TLN2: variants seen among roughly 807,000 people sequenced by gnomAD.
TLN2 encodes talin-2.
In TLN2, 118 loss-of-function variants were observed where a neutral mutation model predicts 294.7. The observed-to-expected ratio is 0.40, with a 90% confidence interval of 0.34 to 0.47. TLN2 has a LOEUF of 0.47. Among genes scored for constraint, TLN2 ranks in the 20% least tolerant of loss-of-function variants. TLN2 has a pLI of 0.84. For missense variants in TLN2, 3,083 were observed against 3,282.2 expected (o/e 0.94, Z 1.48); for synonymous variants, 1,431 against 1,304.5 (o/e 1.10, Z -2.09).
chr15:62,467,976 C>G (rs544732844), intron 1 of TLN2, among the ~76,000 whole-genome samples: 2 of 152,282 alleles, frequency 1.3e-5, no homozygotes, highest in South Asian at 2.1e-4. Context: ...AGTTCACACA[C>G]TTATCACCAG....
intron 28 of TLN2, among the ~76,000 whole-genome samples, chr15:62,735,921 G>A (rs1468950643): frequency 6.6e-6 from 1 of 152,130 alleles, no homozygotes; most frequent in Non-Finnish European, 1.5e-5. Flanking sequence ...TGAACTGCCA[G>A]ACATCACAAC....
intron 1 of TLN2, among the ~76,000 whole-genome samples, chr15:62,575,937 A>C (rs1224589819): frequency 6.6e-6 from 1 of 152,208 alleles, no homozygotes; most frequent in Non-Finnish European, 1.5e-5. Context: ...TCCAAGTCAT[A>C]AGTCAGATGT....
At chr15:62,563,544 C>T (rs1167581883) in intron 1 of TLN2, among the ~76,000 whole-genome samples, 8 of 152,278 alleles carry the variant, frequency 5.3e-5, no homozygotes, top group Admixed American at 4.6e-4. Context: ...GGTGCGTTGT[C>T]TGTTTACTCA....
intron 46 of TLN2, among the ~76,000 whole-genome samples, chr15:62,795,052 G>C (rs1273854474): frequency 6.6e-6 from 1 of 152,216 alleles, no homozygotes; most frequent in Non-Finnish European, 1.5e-5. Flanking sequence ...ACGGTGTGCT[G>C]TGGCGTCCCG....
rs987100441 is a variant in TLN2 at position 62,796,170 on chromosome 15, C to G, written c.5927C>G (p.Thr1976Ser). Residue 1976 changes from threonine (T) to serine (S), a missense_variant, in exon 47 of 59, where the codon ACC becomes AGC. Transcript: ENST00000636159. ...LSALQAGNKG[T>S]QACITAATAV... Reference sequence around the variant, plus strand: ...GCTCTCCAGGCCGGGAACAAAGGAACCCAGGCATGCATTACAGCCGCCACC... The same window carrying G: ...GCTCTCCAGGCCGGGAACAAAGGAAGCCAGGCATGCATTACAGCCGCCACC... 4 of 1,614,246 alleles carry G rather than the reference C, an allele frequency of 2.5e-6. No homozygotes were observed. In the African/African-American group the frequency reaches 4.0e-5, roughly 16 times the overall value.
chr15:62,399,826 G>A (rs2032886819), intron 1 of TLN2, among the ~76,000 whole-genome samples: 1 of 152,186 alleles, frequency 6.6e-6, no homozygotes, highest in African/African-American at 2.4e-5. Flanking sequence ...CAGGCTTATA[G>A]GTGAAAGGGA....
chr15:62,677,806 CT>C lies in TLN2; in HGVS notation c.957+2500del, dbSNP rs3055781. Among the ~76,000 whole-genome samples, 13 of 75,266 alleles carry C rather than the reference CT, an allele frequency of 1.7e-4. 2 individuals are homozygous for C. Among genetic ancestry groups the C allele is most frequent in the African/African-American group, 4.7e-4 (10 of 21,178 alleles). 49.4% of individuals were successfully genotyped at this position (75,266 alleles called of 152,430 possible). A position where few individuals can be genotyped will look rare whatever the true frequency, so the allele number is the denominator to read the frequency against. On this transcript the variant is annotated intron_variant, in intron 11 of 58. Coordinates refer to ENST00000636159, the MANE Select transcript of TLN2 (RefSeq NM_015059.3). ...TTAAGAAAGTAGGCAGCACTTGCAA[CT>C]TTTTTTTTTTTTTTGAGACGGAGAT...
At chr15:62,642,549 T>G (rs1203185980) in intron 3 of TLN2, among the ~76,000 whole-genome samples, 1 of 149,166 alleles carries the variant, frequency 6.7e-6, no homozygotes, top group Non-Finnish European at 1.5e-5. Context: ...GTGTGTTGTC[T>G]GAGCTGCCTC....
intron 42 of TLN2, among the ~76,000 whole-genome samples, chr15:62,775,668 T>G (rs917548077): frequency 2.0e-5 from 3 of 152,246 alleles, no homozygotes; most frequent in Non-Finnish European, 2.9e-5. Flanking sequence ...AGTTCTCGTT[T>G]ACTGCTTTCC....
intron 3 of TLN2, among the ~76,000 whole-genome samples, chr15:62,631,650 CTTCT>C (rs1555451410): frequency 2.6e-4 from 36 of 140,074 alleles, no homozygotes; most frequent in African/African-American, 9.4e-4. Context: ...TCTTTCTTTC[CTTCT>C]TTTTCTTTCT....
At chr15:62,802,304 T>C (rs1186800549) in intron 50 of TLN2, among the ~76,000 whole-genome samples, 1 of 152,158 alleles carries the variant, frequency 6.6e-6, no homozygotes, top group Non-Finnish European at 1.5e-5. Flanking sequence ...CATTTTTTTT[T>C]TCCTATGGCT....
At chr15:62,777,199 A>G (rs1024279181) in intron 43 of TLN2, among the ~76,000 whole-genome samples, 2 of 152,202 alleles carry the variant, frequency 1.3e-5, no homozygotes, top group African/African-American at 4.8e-5. Context: ...TATCTACTTC[A>G]TAGGGTTTGT....
intron 42 of TLN2, among the ~76,000 whole-genome samples, chr15:62,773,277 C>T (rs2063472574): frequency 7.0e-6 from 1 of 142,776 alleles, no homozygotes; most frequent in African/African-American, 2.6e-5. Context: ...TGTTCCCAGC[C>T]ATAGAGCACA....
intron 1 of TLN2, among the ~76,000 whole-genome samples, chr15:62,587,269 A>T (rs990845565): frequency 6.6e-6 from 1 of 152,256 alleles, no homozygotes; most frequent in African/African-American, 2.4e-5. Context: ...CTTAACTTCA[A>T]CACGAGATTT....
intron 52 of TLN2, among the ~76,000 whole-genome samples, chr15:62,810,456 G>A (rs1435110262): frequency 1.3e-5 from 2 of 152,162 alleles, no homozygotes; most frequent in African/African-American, 2.4e-5. Flanking sequence ...GAGGGAGGCT[G>A]CCAGTGCTGC....
intron 32 of TLN2, among the ~76,000 whole-genome samples, chr15:62,745,230 T>C (rs2074338842): frequency 6.6e-6 from 1 of 152,212 alleles, no homozygotes; most frequent in Admixed American, 6.5e-5. Context: ...TAGATAAGCC[T>C]AGATGAAAAC....
chr15:62,735,337 G>T (rs974468785), intron 28 of TLN2, among the ~76,000 whole-genome samples: 2 of 152,142 alleles, frequency 1.3e-5, no homozygotes, highest in Admixed American at 1.3e-4. Flanking sequence ...CGTTTATTCC[G>T]CATGAGGTGG....
chr15:62,668,912 GA>G (rs1451503052), intron 9 of TLN2, among the ~76,000 whole-genome samples: 1 of 152,154 alleles, frequency 6.6e-6, no homozygotes, highest in African/African-American at 2.4e-5. Context: ...TTAAAATGTA[GA>G]ATCATAACAG....
In TLN2 at chr15:62,577,697, AT is replaced by A. The variant is rs199686644; in HGVS notation, c.-237-11981del. ...TTTTGTATATATTTAACTTATAAAAATTTTTTTTTAATATACTTTAAGCTCT... is the reference window on the plus strand; with the variant it reads ...TTTTGTATATATTTAACTTATAAAAATTTTTTTTAATATACTTTAAGCTCT... On this transcript the variant is annotated intron_variant, in intron 1 of 58. Transcript: ENST00000636159. Among the ~76,000 whole-genome samples, 87 of 150,752 alleles carry A rather than the reference AT, an allele frequency of 5.8e-4. 1 individual carries two copies. In the Middle Eastern group the frequency reaches 0.01, roughly 18 times the overall value.
Sources: gnomAD v4.1 joint callset for allele counts (sites outside exome capture counted in the v4.1 genomes callset) on GRCh38, gnomAD v4.1.1 for gene constraint, MANE v1.5 for transcripts, NCBI Gene and HGNC (gene_info 2026-07-23, HGNC 2026-07-21) for gene names.